The following NAV3 variants were observed in gnomAD, a reference collection of about 807,000 sequenced individuals.
NAV3 encodes the protein pore membrane and/or filament interacting like protein 1.
In NAV3, 87 loss-of-function variants were observed where a neutral mutation model predicts 244.7. The observed-to-expected ratio is 0.36, with a 90% CI of 0.30 to 0.42. The LOEUF is 0.42. Among genes scored for constraint, NAV3 ranks in the 20% least tolerant of loss-of-function variants. NAV3 has a pLI of 1.00. For missense variants in NAV3, 2,663 were observed against 2,893.3 expected (o/e 0.92, Z 1.83); for synonymous variants, 1,126 against 1,042.2 (o/e 1.08, Z -1.55).
chr12:78,146,299 T>C, intron 20 of NAV3, 70 bp from the exon 21 acceptor site: 1 of 591,146 alleles, frequency 1.7e-6, no homozygotes, highest in Non-Finnish European at 2.7e-6. Flanking sequence ...ATTATTGTAT[T>C]CATTTATACT....
At chr12:77,659,712 A>G (rs926557803) in intron 2 of NAV3, among the ~76,000 whole-genome samples, 1 of 152,194 alleles carries the variant, frequency 6.6e-6, no homozygotes, top group Non-Finnish European at 1.5e-5. Flanking sequence ...AACCAATCCA[A>G]ATGTCCAACA....
At chr12:78,044,238 T>G (rs1021270430) in intron 9 of NAV3, among the ~76,000 whole-genome samples, 1 of 152,096 alleles carries the variant, frequency 6.6e-6, no homozygotes, top group Admixed American at 6.5e-5. Context: ...ATCAGATGAT[T>G]GTAGATGTGT....
intron 9 of NAV3, among the ~76,000 whole-genome samples, chr12:78,022,383 C>T (rs550425732): frequency 1.3e-5 from 2 of 152,184 alleles, no homozygotes; most frequent in East Asian, 3.9e-4. Context: ...TCAGCTTGAG[C>T]ACAATGTTTT....
At chr12:77,869,002 G>T (rs1208121417) in intron 1 of NAV3, among the ~76,000 whole-genome samples, 1 of 151,874 alleles carries the variant, frequency 6.6e-6, no homozygotes, top group Admixed American at 6.6e-5. Context: ...AACCTGGGAG[G>T]TGGAGGTTGC....
intron 32 of NAV3, 42 bp from the exon 33 acceptor site, chr12:78,188,567 G>A (rs1195032647): frequency 1.1e-5 from 18 of 1,580,648 alleles, no homozygotes; most frequent in Non-Finnish European, 1.6e-5. Context: ...TAGATGAGTT[G>A]AACCTCTGTT....
At position 78,118,252 on chromosome 12, in the gene NAV3, G is replaced by A. The variant is rs759201532; in HGVS notation, c.2995G>A (p.Ala999Thr). The A allele has an allele frequency of 1.9e-6, 3 of 1,612,562 alleles. No individual in the cohort carries two copies. Among genetic ancestry groups the A allele is most frequent in the Non-Finnish European group, 2.5e-6 (3 of 1,178,918 alleles). ...WRRGMSAQGG[A>T]PSRQKAGTSA... ...AAGAGGCATGTCTGCCCAAGGAGGG[G>A]CGCCATCTAGGCAGAAAGCTGGAAC... Residue 999 changes from alanine (A) to threonine (T), a missense_variant, in exon 14 of 40, where the codon GCG becomes ACG. Physicochemically the swap from Ala to Thr is moderately conservative, Grantham distance 58. Transcript: ENST00000397909.
At position 77,630,346 on chromosome 12, in the gene NAV3, A is replaced by T. The variant is rs1565744280; in HGVS notation, c.72+58080A>T. On this transcript the variant is annotated intron_variant, in intron 2 of 8. Coordinates refer to the NAV3 transcript ENST00000550042. ...ATGAACTATTCCTATAGATTAGCAA[A>T]TTATTACTTCTAACCACTATGAGCA... Among the ~76,000 whole-genome samples the T allele has an allele frequency of 2.0e-5, 3 of 152,190 alleles. No individual in the cohort carries two copies. In the South Asian group the frequency reaches 6.2e-4, roughly 31 times the overall value.
chr12:77,928,886 T>C (rs1362167428), intron 1 of NAV3, among the ~76,000 whole-genome samples: 1 of 152,130 alleles, frequency 6.6e-6, no homozygotes, highest in Non-Finnish European at 1.5e-5. Context: ...AAATCTGAAA[T>C]TGAGTTAAAG....
intron 1 of NAV3, among the ~76,000 whole-genome samples, chr12:77,844,956 A>T (rs1876360417): frequency 6.6e-6 from 1 of 152,194 alleles, no homozygotes; most frequent in Admixed American, 6.5e-5. Context: ...GCCAGAAATA[A>T]AAGCGTACTG....
At chr12:77,611,428 T>C (rs1870909621) in intron 2 of NAV3, among the ~76,000 whole-genome samples, 1 of 151,966 alleles carries the variant, frequency 6.6e-6, no homozygotes, top group East Asian at 1.9e-4. Context: ...ATACATTAAA[T>C]GTAAATACTA....
chr12:77,965,630 C>CACAA (rs774646579), intron 3 of NAV3, among the ~76,000 whole-genome samples: 4 of 152,054 alleles, frequency 2.6e-5, no homozygotes, highest in Non-Finnish European at 4.4e-5. Flanking sequence ...AAATCAAAAA[C>CACAA]ACAAACAAAC....
chr12:78,000,093 A>T (rs964680761), intron 7 of NAV3, among the ~76,000 whole-genome samples: 7 of 152,156 alleles, frequency 4.6e-5, no homozygotes, highest in African/African-American at 1.7e-4. Context: ...TATTTAACTT[A>T]TTTCTGGCAT....
chr12:78,196,735 G>A (rs1959180351), intron 34 of NAV3, among the ~76,000 whole-genome samples: 1 of 151,926 alleles, frequency 6.6e-6, no homozygotes, highest in Non-Finnish European at 1.5e-5. Flanking sequence ...TCCTATGGCT[G>A]TACTTTTAGA....
chr12:77,709,520 G>T (rs980662721), intron 2 of NAV3, among the ~76,000 whole-genome samples: 1 of 152,012 alleles, frequency 6.6e-6, no homozygotes, highest in Non-Finnish European at 1.5e-5. Flanking sequence ...AACTATTATG[G>T]GTGCCATGAA....
chr12:77,633,385 C>T (rs1324491005), intron 2 of NAV3, among the ~76,000 whole-genome samples: 1 of 151,854 alleles, frequency 6.6e-6, no homozygotes, highest in Non-Finnish European at 1.5e-5. Context: ...CGTTATTTTC[C>T]TGAAGCTAAT....
At chr12:78,060,740 G>A (rs1437253411) in intron 12 of NAV3, among the ~76,000 whole-genome samples, 1 of 152,150 alleles carries the variant, frequency 6.6e-6, no homozygotes, top group Non-Finnish European at 1.5e-5. Flanking sequence ...GTGAAAAATA[G>A]GAGACAGTGA....
At chr12:78,071,286 C>A (rs915774269) in intron 12 of NAV3, among the ~76,000 whole-genome samples, 4 of 152,110 alleles carry the variant, frequency 2.6e-5, no homozygotes, top group African/African-American at 9.7e-5. Context: ...TTTTGATTTG[C>A]ATTTCTCTGA....
rs779217741 is a variant in NAV3 at position 78,211,003 on chromosome 12, C to G, written c.*486C>G. 1 of 153,422 alleles carries G rather than the reference C, an allele frequency of 6.5e-6. No individual in the cohort carries two copies. The highest frequency in any genetic ancestry group is 1.5e-5 in the Non-Finnish European group (1 of 68,740). The allele number at this position is 153,422 out of a possible 1,614,324, so 9.5% of individuals were successfully genotyped here. A position where few individuals can be genotyped will look rare whatever the true frequency, so the allele number is the denominator to read the frequency against. ...CAGTAGTGTTTGTGTTGTGCGCTCA[C>G]CCCATTCCAGAACAAATCCAAGAGG... is the stretch of plus-strand genomic sequence containing the variant. On this transcript the variant is annotated 3_prime_UTR_variant, in exon 40 of 40. Transcript: ENST00000397909.
chr12:77,708,739 G>A (rs1875957741), intron 2 of NAV3, among the ~76,000 whole-genome samples: 1 of 152,142 alleles, frequency 6.6e-6, no homozygotes, highest in Non-Finnish European at 1.5e-5. Flanking sequence ...ATGTTGTTGA[G>A]CAGTGGTTTG....
Sources: allele counts gnomAD v4.1 joint callset (sites outside exome capture counted in the v4.1 genomes callset), GRCh38; gene constraint gnomAD v4.1.1; transcripts MANE v1.5; gene names NCBI Gene and HGNC (gene_info 2026-07-23, HGNC 2026-07-21).